ITGA6: variants seen among roughly 807,000 people sequenced by gnomAD.
The protein encoded by ITGA6 is integrin alpha-6.
Under a neutral mutation model 133.6 loss-of-function variants are expected in ITGA6, and 63 were observed. That is an observed-to-expected ratio of 0.47 (90% CI 0.38 to 0.58). ITGA6 has a LOEUF of 0.58. Ranked by LOEUF, ITGA6 falls within the 20% of genes least tolerant of loss-of-function variation. ITGA6 has a pLI of 0.00. For synonymous variants in ITGA6, 434 were observed against 482.0 expected, an observed-to-expected ratio of 0.90 and a Z score of 1.30; for missense variants, 1,068 against 1,309.4, an observed-to-expected ratio of 0.82 and a Z score of 2.85.
At chr2:172,479,295 TTAATTTTAGA>T (rs1686319859) in intron 9 of ITGA6, among the ~76,000 whole-genome samples, 1 of 152,236 alleles carries the variant, frequency 6.6e-6, no homozygotes, top group Admixed American at 6.5e-5. Flanking sequence ...ATTTTAATAT[TTAATTTTAGA>T]TAATTTTAAC....
intron 1 of ITGA6, among the ~76,000 whole-genome samples, chr2:172,428,798 A>T (rs3115743): frequency 6.6e-6 from 1 of 152,062 alleles, no homozygotes; most frequent in African/African-American, 2.4e-5. Context: ...TAAACCTCCC[A>T]GGAGAAAGAG....
intron 8 of ITGA6, among the ~76,000 whole-genome samples, chr2:172,476,052 T>C (rs1432673377): frequency 6.6e-6 from 1 of 152,170 alleles, no homozygotes; most frequent in Non-Finnish European, 1.5e-5. Flanking sequence ...ATGGAGAATG[T>C]AGACACCAAA....
Position 172,474,183 on chromosome 2 carries a change from C to T in ITGA6, c.904C>T (p.Leu302Phe). ...LKRDMKSAHL[L>F]PEHIFDGEGL... ...GAGAGACATGAAGTCTGCACATCTC[C>T]TCCCTGAGCACATATTCGATGGAGA... The change falls in exon 6 of 26, where the codon CTC becomes TTC. Residue 302 changes from leucine to phenylalanine, a missense_variant. Physicochemically the swap from Leu to Phe is conservative, Grantham distance 22 (BLOSUM62 0). This residue lies in a region of ITGA6 where 317 missense variants were observed against 456.9 expected (regional missense o/e 0.69). Transcript: ENST00000684293. 6.2e-7 allele frequency: 1 copy of T among 1,614,120 alleles called. No individual in the cohort carries two copies. Among genetic ancestry groups the T allele is most frequent in the South Asian group, 1.1e-5 (1 of 91,086 alleles).
At chr2:172,497,877 G>A (rs770845515) in intron 23 of ITGA6, 98 bp from the exon 24 acceptor site, 42 of 1,338,980 alleles carry the variant, frequency 3.1e-5, no homozygotes, top group Admixed American at 6.7e-5. Flanking sequence ...AGGCTGCATT[G>A]TCCAAAATAT....
At chr2:172,466,465 C>G (rs1332604210) in intron 2 of ITGA6, among the ~76,000 whole-genome samples, 3 of 152,040 alleles carry the variant, frequency 2.0e-5, no homozygotes, top group South Asian at 2.1e-4. Context: ...ACTAAAAATA[C>G]AAAAATTAGC....
At chr2:172,502,735 A>G (rs917326013) in intron 25 of ITGA6, among the ~76,000 whole-genome samples, 19 of 152,306 alleles carry the variant, frequency 1.2e-4, no homozygotes, top group Admixed American at 1.2e-3. Flanking sequence ...TTTAAATTCA[A>G]GTTTCTCTTA....
chr2:172,461,283 CT>C (rs1164726010), intron 1 of ITGA6, among the ~76,000 whole-genome samples: 1 of 151,994 alleles, frequency 6.6e-6, no homozygotes, highest in Non-Finnish European at 1.5e-5. Context: ...TGAGTTTTGC[CT>C]TTTAAGTGTG....
At chr2:172,451,313 A>T (rs1161061459) in intron 1 of ITGA6, among the ~76,000 whole-genome samples, 1 of 151,494 alleles carries the variant, frequency 6.6e-6, no homozygotes, top group Non-Finnish European at 1.5e-5. Flanking sequence ...AAAAATACAA[A>T]AATTAGCCTG....
At position 172,445,899 on chromosome 2, in the gene ITGA6, A is replaced by G. The variant is rs570384556; in HGVS notation, c.182+17929A>G. ...CAAAGGCACATGCATGCCATCTTCT[A>G]AGGAAAATTATTGGAAGCAGCAGTG... On this transcript the variant is annotated intron_variant, in intron 1 of 25. Coordinates refer to ENST00000684293, the MANE Select transcript of ITGA6 (RefSeq NM_000210.4). Among the ~76,000 whole-genome samples the G allele has an allele frequency of 3.9e-5, 6 of 152,342 alleles. No individual in the cohort carries two copies. The South Asian group carries it at 8.3e-4, about 21-fold the overall frequency.
At chr2:172,473,875 C>A (rs890568394) in intron 5 of ITGA6, among the ~76,000 whole-genome samples, 180 bp from the exon 6 acceptor site, 6 of 152,028 alleles carry the variant, frequency 3.9e-5, no homozygotes, top group Non-Finnish European at 7.4e-5. Context: ...AGCCCCAGGA[C>A]TTTGTCCTTG....
At chr2:172,440,975 G>A (rs1684512403) in intron 1 of ITGA6, among the ~76,000 whole-genome samples, 1 of 152,072 alleles carries the variant, frequency 6.6e-6, no homozygotes, top group Non-Finnish European at 1.5e-5. Context: ...AACACCAATT[G>A]GACTAACAGC....
rs1413376757 is a variant in ITGA6, at chr2:172,451,154, CAAAAG to C, written c.183-14380_183-14376del. Among the ~76,000 whole-genome samples, 13 of 139,726 alleles carry C rather than the reference CAAAAG, an allele frequency of 9.3e-5. No individual in the cohort carries two copies. The East Asian group carries it at 2.9e-3, about 31-fold the overall frequency. 91.7% of individuals were successfully genotyped at this position (139,726 alleles called of 152,430 possible). On this transcript the variant is annotated intron_variant, in intron 1 of 25. Coordinates refer to ENST00000684293, the MANE Select transcript of ITGA6 (RefSeq NM_000210.4). ...TGGGTGACAGAGTGAGACTCTGTCTCAAAAGAAAAAAATTTTTAAATAAAAATAGG... is the reference window on the plus strand; with the variant it reads ...TGGGTGACAGAGTGAGACTCTGTCTCAAAAAAATTTTTAAATAAAAATAGG...
chr2:172,462,279 G>A (rs1457415368), intron 1 of ITGA6, among the ~76,000 whole-genome samples: 1 of 152,214 alleles, frequency 6.6e-6, no homozygotes, highest in Non-Finnish European at 1.5e-5. Flanking sequence ...TTTGCAAGGG[G>A]CGGTGGAACA....
At chr2:172,485,756 A>G (rs1486599807) in intron 13 of ITGA6, among the ~76,000 whole-genome samples, 1 of 152,236 alleles carries the variant, frequency 6.6e-6, no homozygotes, top group Non-Finnish European at 1.5e-5. Context: ...AATGTGTATT[A>G]GATGGCCTGT....
intron 24 of ITGA6, among the ~76,000 whole-genome samples, chr2:172,499,506 G>A (rs1480491656): frequency 6.6e-6 from 1 of 151,578 alleles, no homozygotes; most frequent in Non-Finnish European, 1.5e-5. Flanking sequence ...CTGGGACTAC[G>A]TGCCACCACA....
intron 3 of ITGA6, 53 bp from the exon 4 acceptor site, chr2:172,469,072 T>A: frequency 1.2e-6 from 2 of 1,604,936 alleles, no homozygotes; most frequent in Middle Eastern, 1.7e-4. Context: ...TGTAATTTTT[T>A]AAAAACAAGG....
At chr2:172,497,430 G>C (rs370693638) in intron 23 of ITGA6, among the ~76,000 whole-genome samples, 1 of 151,240 alleles carries the variant, frequency 6.6e-6, no homozygotes, top group Non-Finnish European at 1.5e-5. Flanking sequence ...GAGCCTGGGA[G>C]GTTGAGGCTG....
intron 1 of ITGA6, among the ~76,000 whole-genome samples, chr2:172,454,255 T>C (rs977975462): frequency 7.9e-5 from 12 of 152,100 alleles, no homozygotes; most frequent in African/African-American, 2.7e-4. Flanking sequence ...ACCTGATTTT[T>C]GTATTTTTAG....
intron 1 of ITGA6, among the ~76,000 whole-genome samples, chr2:172,446,337 C>G (rs560139099): frequency 6.0e-4 from 91 of 152,020 alleles, no homozygotes; most frequent in African/African-American, 2.1e-3. Context: ...TGCAGATGAA[C>G]TATTTGATAA....
Sources: allele counts gnomAD v4.1 joint callset (sites outside exome capture counted in the v4.1 genomes callset), GRCh38; gene constraint gnomAD v4.1.1; regional missense constraint gnomAD v4.1.1; transcripts MANE v1.5; gene names NCBI Gene and HGNC (gene_info 2026-07-23, HGNC 2026-07-21).